Variants in RBPJ observed in about 807,000 individuals in gnomAD.
RBPJ encodes recombination signal binding protein for immunoglobulin kappa J region, also known as recombining binding protein suppressor of hairless.
Under a neutral mutation model 67.8 loss-of-function variants are expected in RBPJ, and 9 were observed. The ratio of observed to expected loss-of-function variants is 0.13; its 90% CI spans 0.08 to 0.23. The LOEUF is 0.23. Ranked by LOEUF, RBPJ falls within the 10% of genes least tolerant of loss-of-function variation. The probability of loss-of-function intolerance (pLI) is 1.00; values close to 1 mark genes in which losing one functional copy is unlikely to be tolerated. For missense variants in RBPJ, 305 were observed against 595.6 expected (o/e 0.51, Z 5.08); for synonymous variants, 198 against 203.3 (o/e 0.97, Z 0.22).
chr4:26,286,165 C>T (rs1298767379), intron 1 of RBPJ, among the ~76,000 whole-genome samples: 1 of 149,412 alleles, frequency 6.7e-6, no homozygotes, highest in Non-Finnish European at 1.5e-5. Flanking sequence ...TTAAATATCA[C>T]GTGGGACAGT....
the RBPJ span, among the ~76,000 whole-genome samples, chr4:26,109,446 CTCTCTCTCTCTCTCTATATATATATATA>C: frequency 3.6e-5 from 1 of 27,520 alleles, no homozygotes; most frequent in African/African-American, 2.6e-4. Flanking sequence ...CTCTCTCTCT[CTCTCTCTCTCTCTCTATATATATATATA>C]TATATATATA....
At position 26,242,169 on chromosome 4, in the gene RBPJ, C is replaced by T. The variant is rs941168267; in HGVS notation, c.-167+78555C>T. On this transcript the variant is annotated intron_variant, in intron 1 of 4. Coordinates refer to the RBPJ transcript ENST00000512351. The stretch of plus-strand genomic sequence containing the variant: ...AGAGGTTCTGAGAGTGTGGTCCAGC[C>T]GGGAGCGGTGGCTCACCCCTGTAAT... 4.5e-4 allele frequency among the ~76,000 whole-genome samples: 69 copies of T among 152,118 alleles called. 1 individual carries two copies. Among genetic ancestry groups the T allele is most frequent in the African/African-American group, 1.4e-3 (58 of 41,522 alleles).
chr4:26,320,981 C>CG, upstream of RBPJ: 3 of 1,605,538 alleles, frequency 1.9e-6, no homozygotes, highest in Non-Finnish European at 2.6e-6. Context: ...GGGAAGGCGT[C>CG]GGGGGGAATC....
chr4:26,276,533 A>G (rs147517484), intron 1 of RBPJ, among the ~76,000 whole-genome samples: 78 of 152,286 alleles, frequency 5.1e-4, no homozygotes, highest in Non-Finnish European at 4.7e-4. Context: ...ATTGAAATGC[A>G]ATCTATGGAA....
the RBPJ span, among the ~76,000 whole-genome samples, chr4:26,126,689 A>G: frequency 1.3e-5 from 2 of 152,242 alleles, no homozygotes; most frequent in Admixed American, 6.5e-5. Flanking sequence ...ATTTCCCTCA[A>G]GGCGGCCAGC....
At chr4:26,244,131 G>GTA (rs148833802) in intron 1 of RBPJ, among the ~76,000 whole-genome samples, 1,554 of 142,460 alleles carry the variant, frequency 0.011, 43 homozygotes, top group African/African-American at 0.033. Flanking sequence ...ACTTTAAAAT[G>GTA]TATATATATA....
At chr4:26,375,184 G>T (rs550380590) in intron 1 of RBPJ, among the ~76,000 whole-genome samples, 123 of 151,480 alleles carry the variant, frequency 8.1e-4, no homozygotes, top group Non-Finnish European at 1.4e-3. Flanking sequence ...CGCACCTGTG[G>T]TCCTAGCTAC....
intron 1 of RBPJ, among the ~76,000 whole-genome samples, chr4:26,344,747 C>T (rs1725957585): frequency 6.6e-6 from 1 of 152,134 alleles, no homozygotes; most frequent in African/African-American, 2.4e-5. Flanking sequence ...CTGCTCCCCA[C>T]CCCACCTCAA....
chr4:26,295,245 AGTGTGTGTGTGT>A (rs71932374), intron 1 of RBPJ, among the ~76,000 whole-genome samples: 2 of 147,026 alleles, frequency 1.4e-5, no homozygotes, highest in Non-Finnish European at 3.0e-5. Context: ...AGGGTGCATC[AGTGTGTGTGTGT>A]GTGTGTGTGT....
chr4:26,262,208 A>G (rs767058041), intron 1 of RBPJ, among the ~76,000 whole-genome samples: 14 of 151,974 alleles, frequency 9.2e-5, no homozygotes, highest in Non-Finnish European at 1.8e-4. Context: ...GCCTCCCAAA[A>G]TGCTGGGATT....
At chr4:26,182,974 G>T (rs1352540440) in intron 1 of RBPJ, among the ~76,000 whole-genome samples, 2 of 152,082 alleles carry the variant, frequency 1.3e-5, no homozygotes, top group Non-Finnish European at 2.9e-5. Flanking sequence ...CCTTCTCCTA[G>T]GTACCTCCTG....
chr4:26,429,422 C>T (rs1428370867), intron 8 of RBPJ, among the ~76,000 whole-genome samples: 1 of 152,130 alleles, frequency 6.6e-6, no homozygotes, highest in Non-Finnish European at 1.5e-5. Context: ...CATGCTGAGT[C>T]CCTGGTCTAG....
At chr4:26,203,542 C>T (rs949423803) in intron 1 of RBPJ, among the ~76,000 whole-genome samples, 16 of 152,124 alleles carry the variant, frequency 1.1e-4, no homozygotes, top group African/African-American at 3.6e-4. Flanking sequence ...CAAGTAAGCT[C>T]GGTGAGAGAA....
intron 1 of RBPJ, among the ~76,000 whole-genome samples, chr4:26,323,651 T>G (rs1479247432): frequency 1.3e-5 from 2 of 152,212 alleles, no homozygotes; most frequent in Admixed American, 1.3e-4. Context: ...CTTGTAGGCA[T>G]TAGATTTTAA....
chr4:26,224,609 A>G (rs1258384594), intron 1 of RBPJ, among the ~76,000 whole-genome samples: 1 of 152,042 alleles, frequency 6.6e-6, no homozygotes, highest in Non-Finnish European at 1.5e-5. Flanking sequence ...CCACCCACCT[A>G]GGCCTCCCAA....
chr4:26,209,578 CCT>C lies in RBPJ; in HGVS notation c.-167+45965_-167+45966del, dbSNP rs1355617214. Among the ~76,000 whole-genome samples, 143 of 147,740 alleles carry C rather than the reference CCT, an allele frequency of 9.7e-4. 2 individuals carry two copies. The highest frequency in any genetic ancestry group is 1.3e-3 in the Non-Finnish European group (84 of 66,382). On this transcript the variant is annotated intron_variant, in intron 1 of 4. Coordinates refer to the RBPJ transcript ENST00000512351. Reference sequence around the variant, plus strand: ...CCCTGTCTCCCTCCCTTCCTCCTTCCCTGTCTCCCTCCCTTCCTCCTTCCCTC... The same window carrying C: ...CCCTGTCTCCCTCCCTTCCTCCTTCCGTCTCCCTCCCTTCCTCCTTCCCTC...
At chr4:26,214,856 G>GA in intron 1 of RBPJ, among the ~76,000 whole-genome samples, 2 of 125,104 alleles carry the variant, frequency 1.6e-5, no homozygotes, top group Non-Finnish European at 3.3e-5. Flanking sequence ...GGGAGGGAGA[G>GA]AGGAAAGAGA....
chr4:26,381,439 A>C (rs1291760652), intron 1 of RBPJ, among the ~76,000 whole-genome samples: 1 of 152,148 alleles, frequency 6.6e-6, no homozygotes, highest in Admixed American at 6.5e-5. Context: ...GCTTAAAAAA[A>C]ATCTCATACT....
rs1330218822 is a variant in RBPJ, at chr4:26,215,283, A to T, written c.-167+51669A>T. ...AGGAAGGGAGGGAGGAAAAAGAGAG[A>T]GAAAGAAAGAGAAAAAGAGAGAGAA... On this transcript the variant is annotated intron_variant, in intron 1 of 4. Coordinates refer to the RBPJ transcript ENST00000512351. Among the ~76,000 whole-genome samples, 2 of 80,248 alleles carry T rather than the reference A, an allele frequency of 2.5e-5. 1 individual carries two copies. Among genetic ancestry groups the T allele is most frequent in the Non-Finnish European group, 4.8e-5 (2 of 41,546 alleles). The allele number at this position is 80,248 out of a possible 152,430, so 52.6% of individuals were successfully genotyped here. A position where few individuals can be genotyped will look rare whatever the true frequency, so the allele number is the denominator to read the frequency against.
Sources: allele counts gnomAD v4.1 joint callset (sites outside exome capture counted in the v4.1 genomes callset), GRCh38; gene constraint gnomAD v4.1.1; transcripts MANE v1.5; gene names NCBI Gene and HGNC (gene_info 2026-07-23, HGNC 2026-07-21).